EMP2: variants seen among roughly 807,000 people sequenced by gnomAD.
The protein encoded by EMP2 is epithelial membrane protein 2.
A neutral mutation model predicts 13.7 loss-of-function variants in EMP2; 19 were observed. The ratio of observed to expected loss-of-function variants is 1.38; its 90% CI spans 0.97 to 2.03. EMP2 has a LOEUF of 2.03. EMP2 is among the 30% of genes most tolerant of loss of function. EMP2 has a pLI of 0.00. For synonymous variants in EMP2, 97 were observed against 84.7 expected (o/e 1.15, Z -0.80); for missense variants, 253 against 220.7 (o/e 1.15, Z -0.93).
At chr16:10,542,975 G>C (rs1180583703) in intron 3 of EMP2, among the ~76,000 whole-genome samples, 1 of 152,196 alleles carries the variant, frequency 6.6e-6, no homozygotes, top group East Asian at 1.9e-4. Flanking sequence ...CCTCCTCAGT[G>C]GCTGGGATTA....
intron 1 of EMP2, among the ~76,000 whole-genome samples, chr16:10,573,991 G>T (rs938445160): frequency 1.5e-5 from 2 of 132,136 alleles, no homozygotes; most frequent in African/African-American, 5.9e-5. Context: ...AGGCTGGAGT[G>T]CAGTGGCATG....
intron 1 of EMP2, among the ~76,000 whole-genome samples, chr16:10,578,828 C>T (rs749942710): frequency 6.6e-6 from 1 of 152,240 alleles, no homozygotes. Flanking sequence ...AGGTTCTGCA[C>T]CTTCCTGCCA....
At chr16:10,540,279 G>A (rs1459437539) in intron 3 of EMP2, among the ~76,000 whole-genome samples, 3 of 152,216 alleles carry the variant, frequency 2.0e-5, no homozygotes, top group African/African-American at 7.2e-5. Context: ...GCAGAGGCAG[G>A]TGGATCACCT....
At chr16:10,578,076 C>T (rs1420815834) in intron 1 of EMP2, 1 of 151,946 alleles carries the variant, frequency 6.6e-6, no homozygotes, top group African/African-American at 2.4e-5. Flanking sequence ...CCTGGAAGGA[C>T]ATTTATATAT....
At chr16:10,548,293 T>C (rs757920819) in intron 1 of EMP2, among the ~76,000 whole-genome samples, 13 of 152,160 alleles carry the variant, frequency 8.5e-5, no homozygotes, top group Non-Finnish European at 1.5e-4. Flanking sequence ...TTCCCCATGC[T>C]CAGAAGCTCA....
At chr16:10,579,187 C>G (rs572993098) in intron 1 of EMP2, among the ~76,000 whole-genome samples, 3 of 152,126 alleles carry the variant, frequency 2.0e-5, no homozygotes, top group African/African-American at 7.2e-5. Flanking sequence ...AGGTCGCCAT[C>G]CTTCCCCTTG....
At chr16:10,579,709 CA>C (rs1567213044) in intron 1 of EMP2, among the ~76,000 whole-genome samples, 1 of 2,192 alleles carries the variant, frequency 4.6e-4, no homozygotes, top group Non-Finnish European at 1.2e-3. Context: ...GATCAAGGTG[CA>C]CACACACACA....
chr16:10,567,921 G>A (rs754133620), intron 1 of EMP2, among the ~76,000 whole-genome samples: 2 of 152,316 alleles, frequency 1.3e-5, no homozygotes, highest in Admixed American at 1.3e-4. Flanking sequence ...ATGAGAAAAC[G>A]GAGGGGTAGC....
At chr16:10,546,038 G>A (rs559899117) in intron 2 of EMP2, 8 of 152,334 alleles carry the variant, frequency 5.3e-5, no homozygotes, top group South Asian at 4.1e-4. Context: ...CCAAGTGCCC[G>A]AATGGCCCTG....
chr16:10,571,067 G>A (rs944104786), intron 1 of EMP2, among the ~76,000 whole-genome samples: 1 of 151,536 alleles, frequency 6.6e-6, no homozygotes, highest in Non-Finnish European at 1.5e-5. Flanking sequence ...AACCAGCCTG[G>A]CCAACACGGT....
At chr16:10,546,517 T>C (rs2050740183) in intron 2 of EMP2, 1 of 152,194 alleles carries the variant, frequency 6.6e-6, no homozygotes, top group South Asian at 2.1e-4. Context: ...GAAAGTTCCA[T>C]GCATGAGCTC....
At chr16:10,576,666 C>T (rs2050986207) in intron 1 of EMP2, 1 of 152,140 alleles carries the variant, frequency 6.6e-6, no homozygotes, top group African/African-American at 2.4e-5. Context: ...GAAGTCTCTT[C>T]TTCATCCTCA....
At chr16:10,565,957 C>T (rs1401936027) in intron 1 of EMP2, among the ~76,000 whole-genome samples, 1 of 152,214 alleles carries the variant, frequency 6.6e-6, no homozygotes, top group Non-Finnish European at 1.5e-5. Flanking sequence ...GGGAAACTGA[C>T]TCAACACAAA....
chr16:10,539,429 G>C (rs747633324), intron 3 of EMP2, among the ~76,000 whole-genome samples: 4 of 152,184 alleles, frequency 2.6e-5, no homozygotes, highest in African/African-American at 9.6e-5. Flanking sequence ...AGCGAAAGGA[G>C]TCAGACCGGC....
At position 10,529,240 on chromosome 16, in the gene EMP2, T is replaced by A. The variant is rs572191613; in HGVS notation, c.*3665A>T. On this transcript the variant is annotated 3_prime_UTR_variant, in exon 5 of 5. Coordinates refer to ENST00000359543, the MANE Select transcript of EMP2 (RefSeq NM_001424.6). ...GTTGATGCTATCTTTGGTCCTAATATGTGCTTCTTGGATGTCTACTAATTT... is the reference window on the plus strand; with the variant it reads ...GTTGATGCTATCTTTGGTCCTAATAAGTGCTTCTTGGATGTCTACTAATTT... 2.0e-5 allele frequency: 3 copies of A among 152,388 alleles called. No individual in the cohort carries two copies. The East Asian group carries it at 5.8e-4, about 29-fold the overall frequency. The allele number at this position is 152,388 out of a possible 1,614,324, so 9.4% of individuals were successfully genotyped here.
intron 3 of EMP2, among the ~76,000 whole-genome samples, chr16:10,539,040 G>T (rs1783499522): frequency 6.6e-6 from 1 of 151,898 alleles, no homozygotes; most frequent in Admixed American, 6.6e-5. Flanking sequence ...ACTCTAAAAT[G>T]GGGATACTAA....
In EMP2 at chr16:10,545,628, G is replaced by A. The variant is rs374564582; in HGVS notation, c.78+1912C>T. 19 of 156,140 alleles carry A rather than the reference G, an allele frequency of 1.2e-4. No individual in the cohort carries two copies. In the East Asian group the frequency reaches 1.7e-3, roughly 14 times the overall value. 9.7% of individuals were successfully genotyped at this position (156,140 alleles called of 1,614,324 possible). On this transcript the variant is annotated intron_variant, in intron 2 of 4. Coordinates refer to ENST00000359543, the MANE Select transcript of EMP2 (RefSeq NM_001424.6). Reference sequence around the variant, plus strand: ...TCTCCCATCACCCCCAGATGGGACCGTCTAGTCCAGAACAACAAGCTCAGG... The same window carrying A: ...TCTCCCATCACCCCCAGATGGGACCATCTAGTCCAGAACAACAAGCTCAGG...
rs775951091 is a variant in EMP2, at chr16:10,547,635, A to C, written c.-18T>G. On this transcript the variant is annotated 5_prime_UTR_variant, in exon 2 of 5. Coordinates refer to ENST00000359543, the MANE Select transcript of EMP2 (RefSeq NM_001424.6). The stretch of plus-strand genomic sequence containing the variant: ...ACCAACATTTTCACAGGGCAGGGCG[A>C]GTCGAGGCGAGGGGTCACGTTTAAA... 3.1e-6 allele frequency: 5 copies of C among 1,613,716 alleles called. No homozygotes were observed. In the Admixed American group the frequency reaches 5.0e-5, roughly 16 times the overall value.
chr16:10,534,382 T>C (rs1198224237), intron 4 of EMP2, among the ~76,000 whole-genome samples: 1 of 152,196 alleles, frequency 6.6e-6, no homozygotes. Flanking sequence ...AGAGTACTTG[T>C]TATGTAAAAA....
Sources: gnomAD v4.1 joint callset for allele counts (sites outside exome capture counted in the v4.1 genomes callset) on GRCh38, gnomAD v4.1.1 for gene constraint, MANE v1.5 for transcripts, NCBI Gene and HGNC (gene_info 2026-07-23, HGNC 2026-07-21) for gene names.